Variants in RADX observed in about 807,000 individuals in gnomAD.
RADX encodes the protein RPA-related protein RADX.
RADX carries 36 observed loss-of-function variants against 61.6 expected under a neutral mutation model. The ratio of observed to expected loss-of-function variants is 0.58; its 90% CI spans 0.45 to 0.77. RADX has a LOEUF of 0.77. RADX is among the 30% of genes least tolerant of loss of function. The pLI, the probability that RADX is intolerant of heterozygous loss-of-function variation, is 0.00. For missense variants in RADX, 497 were observed against 651.1 expected (o/e 0.76, Z 2.58); for synonymous variants, 272 against 237.9 (o/e 1.14, Z -1.32).
At chrX:106,635,484 C>T (rs1927338081) in intron 6 of RADX, among the ~76,000 whole-genome samples, 1 of 110,996 alleles carries the variant, frequency 9.0e-6, no homozygotes, top group Non-Finnish European at 1.9e-5. Flanking sequence ...CTTTAATATT[C>T]CTGTATCAAC....
intron 3 of RADX, among the ~76,000 whole-genome samples, chrX:106,628,927 G>A (rs1041031460): frequency 9.0e-6 from 1 of 111,713 alleles, no homozygotes; most frequent in East Asian, 2.8e-4. Context: ...GAGCCGCCGC[G>A]CCTAGCCAAT....
chrX:106,626,480 A>G (rs1217437031), intron 3 of RADX, among the ~76,000 whole-genome samples: 2 of 111,645 alleles, frequency 1.8e-5, no homozygotes, highest in Admixed American at 9.6e-5. Context: ...AAGGTGAGGA[A>G]CTAAACTGAT....
intron 11 of RADX, among the ~76,000 whole-genome samples, chrX:106,659,149 T>A (rs1399352790): frequency 9.0e-6 from 1 of 110,947 alleles, no homozygotes; most frequent in African/African-American, 3.3e-5. Context: ...ACTATTATTA[T>A]TATTATTACT....
chrX:106,662,679 G>A (rs1928130033), intron 12 of RADX, among the ~76,000 whole-genome samples: 1 of 102,741 alleles, frequency 9.7e-6, no homozygotes, highest in South Asian at 4.6e-4. Context: ...AAGTTAAAGA[G>A]GAGAAAGAAT....
intron 12 of RADX, among the ~76,000 whole-genome samples, chrX:106,666,985 T>C (rs1201441530): frequency 1.8e-5 from 2 of 112,383 alleles, no homozygotes. Flanking sequence ...TTAAGAAATA[T>C]TTACTGGGCA....
chrX:106,615,217 A>G (rs950199147), intron 1 of RADX, among the ~76,000 whole-genome samples: 5 of 112,358 alleles, frequency 4.5e-5, no homozygotes, highest in African/African-American at 1.6e-4. Flanking sequence ...CTTTCCAGAC[A>G]TGATCTCTGT....
At chrX:106,659,706 A>G (rs903131227) in intron 11 of RADX, among the ~76,000 whole-genome samples, 8 of 111,153 alleles carry the variant, frequency 7.2e-5, no homozygotes, top group Admixed American at 2.9e-4. Flanking sequence ...ATAACTGCCA[A>G]TGTCTCCTGT....
At chrX:106,637,286 T>C (rs1927382350) in intron 7 of RADX, among the ~76,000 whole-genome samples, 1 of 112,052 alleles carries the variant, frequency 8.9e-6, no homozygotes, top group South Asian at 3.7e-4. Context: ...AATGCATATC[T>C]TATTTTATAA....
At chrX:106,622,609 T>G in intron 1 of RADX, 42 bp from the exon 2 acceptor site, 1 of 1,007,867 alleles carries the variant, frequency 9.9e-7, no homozygotes, top group Non-Finnish European at 1.4e-6. Context: ...AAGTTACCAT[T>G]ACATGTTAAA....
At chrX:106,667,050 C>T (rs1043831546) in intron 12 of RADX, among the ~76,000 whole-genome samples, 1 of 112,189 alleles carries the variant, frequency 8.9e-6, no homozygotes, top group Non-Finnish European at 1.9e-5. Flanking sequence ...GTGAACACAA[C>T]AGATAAAAAC....
chrX:106,637,102 T>C (rs750645970), intron 7 of RADX, among the ~76,000 whole-genome samples: 2 of 111,853 alleles, frequency 1.8e-5, no homozygotes, highest in Non-Finnish European at 3.8e-5. Flanking sequence ...TGCAAGTATA[T>C]TGTTTTTCCC....
intron 11 of RADX, among the ~76,000 whole-genome samples, chrX:106,650,426 GA>G: frequency 9.1e-6 from 1 of 110,398 alleles, no homozygotes; most frequent in East Asian, 2.9e-4. Flanking sequence ...AATATCTACA[GA>G]AAATGGATTC....
At chrX:106,612,828 G>T (rs1926712678) in intron 1 of RADX, 105 bp downstream of exon 1, 1 of 813,983 alleles carries the variant, frequency 1.2e-6, no homozygotes, top group Admixed American at 3.4e-5. Context: ...TTAATTACAA[G>T]CCAGGAGTGG....
chrX:106,637,904 A>C lies in RADX; in HGVS notation c.1553A>C (p.Lys518Thr), dbSNP rs1239685787. The C allele has an allele frequency of 8.3e-7, 1 of 1,204,313 alleles. No individual in the cohort carries two copies. Among genetic ancestry groups the C allele is most frequent in the Admixed American group, 2.2e-5 (1 of 45,959 alleles). Reference sequence around the variant, plus strand: ...CCACCAGTGCCAGAGACATTTTCCAAGTATAGTAGTTCTATTAAAGGTACT... The same window carrying C: ...CCACCAGTGCCAGAGACATTTTCCACGTATAGTAGTTCTATTAAAGGTACT... The part of the protein sequence containing the change: ...PYPPVPETFS[K>T]YSSSIKVESL... The change falls in exon 8 of 14, where the codon AAG (lysine) becomes ACG (threonine). Residue 518 changes from lysine (K) to threonine (T), a missense_variant. Around this residue, in one of 3 missense-constraint regions of RADX, gnomAD observed 267 missense variants for 306.9 expected, o/e 0.87. Coordinates refer to ENST00000372548, the MANE Select transcript of RADX (RefSeq NM_018015.6).
chrX:106,616,612 C>T (rs1057411636), intron 1 of RADX, among the ~76,000 whole-genome samples: 2 of 111,020 alleles, frequency 1.8e-5, no homozygotes, highest in Non-Finnish European at 3.8e-5. Flanking sequence ...TATTGTTACT[C>T]GTTATTTATA....
chrX:106,622,852 C>T (rs764730819), intron 2 of RADX, 59 bp downstream of exon 2: 1 of 662,531 alleles, frequency 1.5e-6, no homozygotes. Context: ...GCTTACACAC[C>T]TCACTCCATA....
chrX:106,674,246 G>A (rs188595487), intron 13 of RADX, among the ~76,000 whole-genome samples: 24 of 111,024 alleles, frequency 2.2e-4, no homozygotes, highest in Middle Eastern at 9.2e-3. Context: ...CTTCTATTCC[G>A]CCCTCCTGCT....
chrX:106,621,925 GT>G (rs368340491), intron 1 of RADX, among the ~76,000 whole-genome samples: 1,423 of 89,873 alleles, frequency 0.016, 14 homozygotes, highest in African/African-American at 0.033. Context: ...CAATTCTATG[GT>G]TTTTTTTTTT....
chrX:106,644,209 C>T (rs1014234011), intron 10 of RADX, among the ~76,000 whole-genome samples: 2 of 111,141 alleles, frequency 1.8e-5, no homozygotes, highest in Non-Finnish European at 3.8e-5. Context: ...AAAATCATAT[C>T]CTCTGCAAAC....
Sources: gnomAD v4.1 joint callset for allele counts (sites outside exome capture counted in the v4.1 genomes callset) on GRCh38, gnomAD v4.1.1 for gene constraint, gnomAD v4.1.1 regional missense constraint, MANE v1.5 for transcripts, NCBI Gene and HGNC (gene_info 2026-07-23, HGNC 2026-07-21) for gene names.